Variants in STYK1 observed in about 807,000 individuals in gnomAD.
The protein encoded by STYK1 is STY kinase 1.
In STYK1, 46 loss-of-function variants were observed where a neutral mutation model predicts 48.1. The observed-to-expected ratio is 0.96, with a 90% CI of 0.75 to 1.22. The LOEUF is 1.22. STYK1 is among the 50% of genes most tolerant of loss of function. The pLI is 0.00. For missense variants in STYK1, 527 were observed against 521.1 expected (o/e 1.01, Z -0.11); for synonymous variants, 188 against 189.0 (o/e 0.99, Z 0.04).
At chr12:10,656,275 A>G (rs1227484893) in intron 1 of STYK1, among the ~76,000 whole-genome samples, 1 of 152,158 alleles carries the variant, frequency 6.6e-6, no homozygotes, top group Non-Finnish European at 1.5e-5. Flanking sequence ...AGTCCATTAA[A>G]GCTTTTCTTT....
At chr12:10,661,341 G>A (rs1189517984) in intron 1 of STYK1, among the ~76,000 whole-genome samples, 2 of 152,060 alleles carry the variant, frequency 1.3e-5, no homozygotes, top group Non-Finnish European at 2.9e-5. Context: ...AAGTAAGATG[G>A]CAAAATTTAG....
intron 1 of STYK1, among the ~76,000 whole-genome samples, chr12:10,643,165 G>A (rs1947563285): frequency 6.6e-6 from 1 of 152,128 alleles, no homozygotes; most frequent in African/African-American, 2.4e-5. Flanking sequence ...TCACCTGAAT[G>A]CCACACAAGT....
chr12:10,634,251 C>G (rs1355562320), intron 3 of STYK1, 127 bp from the exon 4 acceptor site: 1 of 1,119,578 alleles, frequency 8.9e-7, no homozygotes, highest in Non-Finnish European at 1.3e-6. Context: ...ACCATCTCCT[C>G]TACTTCCATT....
chr12:10,640,168 G>A (rs1233327918), intron 1 of STYK1, among the ~76,000 whole-genome samples: 1 of 152,054 alleles, frequency 6.6e-6, no homozygotes, highest in Admixed American at 6.6e-5. Flanking sequence ...AAAAGTCCCG[G>A]TTCTTAGGAC....
At chr12:10,629,999 T>G (rs1947404676) in intron 5 of STYK1, among the ~76,000 whole-genome samples, 1 of 150,200 alleles carries the variant, frequency 6.7e-6, no homozygotes, top group Admixed American at 6.6e-5. Context: ...CCTTGTTCTA[T>G]GTATCCACCA....
chr12:10,625,506 T>C (rs10845186), intron 7 of STYK1, among the ~76,000 whole-genome samples: 87,741 of 152,020 alleles, frequency 0.58, 26,884 homozygotes, highest in East Asian at 0.79. Flanking sequence ...CATGAGCCAC[T>C]GCACCCGGCC....
chr12:10,662,409 C>G (rs1947786846), intron 1 of STYK1, among the ~76,000 whole-genome samples: 1 of 152,170 alleles, frequency 6.6e-6, no homozygotes. Context: ...TATGGTAACT[C>G]TATGTTTAAA....
At chr12:10,669,247 A>G (rs1033547300) in intron 1 of STYK1, among the ~76,000 whole-genome samples, 1 of 152,222 alleles carries the variant, frequency 6.6e-6, no homozygotes, top group Non-Finnish European at 1.5e-5. Context: ...CTATAATACT[A>G]AAAGTACAAG....
chr12:10,663,403 G>A (rs1277864931), intron 1 of STYK1, among the ~76,000 whole-genome samples: 3 of 151,998 alleles, frequency 2.0e-5, no homozygotes, highest in Non-Finnish European at 2.9e-5. Flanking sequence ...ATGAGGTCGG[G>A]AGATCGAGAC....
chr12:10,622,610 TAC>T (rs1157951250), intron 9 of STYK1, 26 bp downstream of exon 9: 1 of 1,613,552 alleles, frequency 6.2e-7, no homozygotes, highest in African/African-American at 1.3e-5. Flanking sequence ...TGCATACAGG[TAC>T]ACACTATTTT....
At chr12:10,641,582 T>C (rs1947545388) in intron 1 of STYK1, among the ~76,000 whole-genome samples, 1 of 152,222 alleles carries the variant, frequency 6.6e-6, no homozygotes, top group Non-Finnish European at 1.5e-5. Flanking sequence ...TTTCTCATTC[T>C]CTGATAAATG....
chr12:10,658,680 G>C (rs1168600350), intron 1 of STYK1, among the ~76,000 whole-genome samples: 2 of 152,044 alleles, frequency 1.3e-5, no homozygotes, highest in African/African-American at 4.8e-5. Context: ...GCTTAATGTG[G>C]TATAAAAATC....
At chr12:10,668,637 C>T (rs566376771) in intron 1 of STYK1, among the ~76,000 whole-genome samples, 92 of 148,182 alleles carry the variant, frequency 6.2e-4, no homozygotes, top group Non-Finnish European at 7.6e-4. Context: ...TCAGGTGATC[C>T]GCCCGCCTCA....
intron 8 of STYK1, among the ~76,000 whole-genome samples, chr12:10,623,118 T>C (rs1363315635): frequency 1.3e-5 from 2 of 152,220 alleles, no homozygotes; most frequent in Non-Finnish European, 2.9e-5. Flanking sequence ...ATTTTCTCAG[T>C]AGATTTAATT....
intron 1 of STYK1, among the ~76,000 whole-genome samples, chr12:10,665,857 G>T (rs1947828597): frequency 6.6e-6 from 1 of 152,208 alleles, no homozygotes; most frequent in African/African-American, 2.4e-5. Context: ...GCCAGGCCTT[G>T]AGCCCTGTGA....
intron 1 of STYK1, among the ~76,000 whole-genome samples, chr12:10,646,772 AG>A (rs1426428130): frequency 6.6e-6 from 1 of 152,210 alleles, no homozygotes; most frequent in African/African-American, 2.4e-5. Flanking sequence ...GGCTGGGCCC[AG>A]GGTCCCTCTG....
intron 1 of STYK1, among the ~76,000 whole-genome samples, chr12:10,668,539 CTTTTTTTTTTTTT>C (rs55897413): frequency 3.4e-4 from 16 of 46,530 alleles, no homozygotes; most frequent in East Asian, 2.6e-3. Flanking sequence ...CCACACCTGG[CTTTTTTTTTTTTT>C]TTTTTTTTTT....
At chr12:10,668,539 CTTTTTTTTTT>C (rs55897413) in intron 1 of STYK1, among the ~76,000 whole-genome samples, 79 of 46,532 alleles carry the variant, frequency 1.7e-3, no homozygotes, top group Non-Finnish European at 2.6e-3. Flanking sequence ...CCACACCTGG[CTTTTTTTTTT>C]TTTTTTTTTT....
chr12:10,634,566 C>A lies in STYK1; in HGVS notation c.52+1G>T, dbSNP rs149787345. ...TAGACATCTGTGGAATCCGTACTTACCACACAACTTGTCACTGAGACTGCA... is the reference window on the plus strand; with the variant it reads ...TAGACATCTGTGGAATCCGTACTTAACACACAACTTGTCACTGAGACTGCA... On this transcript the variant is annotated splice_donor_variant, in intron 3 of 10. Transcript: ENST00000075503. LOFTEE classifies it high-confidence loss of function. The A allele has an allele frequency of 5.0e-6, 8 of 1,613,960 alleles. No homozygotes were observed. The highest frequency in any genetic ancestry group is 3.3e-5 in the Admixed American group (2 of 60,000).
Sources: gnomAD v4.1 joint callset for allele counts (sites outside exome capture counted in the v4.1 genomes callset) on GRCh38, gnomAD v4.1.1 for gene constraint, MANE v1.5 for transcripts, NCBI Gene and HGNC (gene_info 2026-07-23, HGNC 2026-07-21) for gene names.